ZNF292: variants seen among roughly 807,000 people sequenced by gnomAD.
ZNF292 encodes 16 zinc-finger domain protein.
In ZNF292, 26 loss-of-function variants were observed where a neutral mutation model predicts 217.9. The observed-to-expected ratio is 0.12, with a 90% CI of 0.09 to 0.17. The LOEUF (loss-of-function observed/expected upper bound fraction) is 0.17. ZNF292 is among the 10% of genes least tolerant of loss of function. The probability of loss-of-function intolerance (pLI) is 1.00; values close to 1 mark genes in which losing one functional copy is unlikely to be tolerated. For synonymous variants in ZNF292, 1,257 were observed against 1,124.1 expected, an observed-to-expected ratio of 1.12 and a Z score of -2.37; for missense variants, 2,904 against 3,175.2, an observed-to-expected ratio of 0.91 and a Z score of 2.05.
chr6:87,187,674 C>G (rs1771706154), intron 1 of ZNF292, among the ~76,000 whole-genome samples: 1 of 135,934 alleles, frequency 7.4e-6, no homozygotes, highest in South Asian at 2.3e-4. Context: ...AAGATTGCAC[C>G]ATTGCACTCT....
Position 87,259,255 on chromosome 6 carries a change from T to A in ZNF292, c.5626T>A (p.Ser1876Thr), listed in dbSNP as rs370356863. 1 of 1,613,572 alleles carries A rather than the reference T, an allele frequency of 6.2e-7. No homozygotes were observed. The highest frequency in any genetic ancestry group is 1.3e-5 in the African/African-American group (1 of 74,902). Residue 1876 changes from serine (S) to threonine (T), a missense_variant, in exon 8 of 8, where the codon TCA becomes ACA. Physicochemically the swap from Ser to Thr is moderately conservative, Grantham distance 58. Transcript: ENST00000369577. ...GACACTGACTCCCACGCCTGTTAAATCAACTGCAGATATCACAGTTATTCA... is the reference window on the plus strand; with the variant it reads ...GACACTGACTCCCACGCCTGTTAAAACAACTGCAGATATCACAGTTATTCA... ...SVTLTPTPVK[S>T]TADITVIQPV...
chr6:87,184,379 A>G (rs944457786), intron 1 of ZNF292, among the ~76,000 whole-genome samples: 2 of 145,978 alleles, frequency 1.4e-5, no homozygotes, highest in Non-Finnish European at 3.0e-5. Flanking sequence ...GCAATTAAGT[A>G]TTTTTCTGCT....
chr6:87,203,606 G>A (rs1476711036), intron 1 of ZNF292, among the ~76,000 whole-genome samples: 1 of 151,356 alleles, frequency 6.6e-6, no homozygotes, highest in Non-Finnish European at 1.5e-5. Context: ...AAGGGGGGGT[G>A]GGGTGCTGCA....
rs114864672 is a variant in ZNF292 at position 87,242,228 on chromosome 6, G to A, written c.742-1247G>A. Among the ~76,000 whole-genome samples, 1,047 of 152,192 alleles carry A rather than the reference G, an allele frequency of 6.9e-3. 11 individuals are homozygous for A. The highest frequency in any genetic ancestry group is 0.024 in the African/African-American group (1,008 of 41,512). On this transcript the variant is annotated intron_variant, in intron 5 of 7. Coordinates refer to ENST00000369577, the MANE Select transcript of ZNF292 (RefSeq NM_015021.3). ...AAAGAGGCAGAGAGAGGAGTAGTGG[G>A]AACAACACTGTACCAGGTAGCATAA...
intron 1 of ZNF292, among the ~76,000 whole-genome samples, chr6:87,210,087 C>T (rs936869893): frequency 1.3e-5 from 2 of 152,056 alleles, no homozygotes; most frequent in African/African-American, 4.8e-5. Context: ...CGTGGTAATC[C>T]TTAGGGCAAC....
chr6:87,229,942 A>G (rs1293318499), intron 4 of ZNF292, among the ~76,000 whole-genome samples: 2 of 141,698 alleles, frequency 1.4e-5, no homozygotes, highest in East Asian at 4.9e-4. Context: ...GCTACGAAGT[A>G]GTCTGATTAG....
At chr6:87,237,210 AT>A (rs1773945578) in intron 5 of ZNF292, among the ~76,000 whole-genome samples, 1 of 152,186 alleles carries the variant, frequency 6.6e-6, no homozygotes, top group African/African-American at 2.4e-5. Context: ...AAGCAATATT[AT>A]TTTGATAAGC....
chr6:87,164,735 G>A (rs1770858589), intron 1 of ZNF292, among the ~76,000 whole-genome samples: 1 of 150,894 alleles, frequency 6.6e-6, no homozygotes, highest in African/African-American at 2.4e-5. Flanking sequence ...CCATCACTGA[G>A]ACTTTAGAAG....
intron 1 of ZNF292, among the ~76,000 whole-genome samples, chr6:87,164,952 A>T (rs1480295062): frequency 7.2e-4 from 104 of 145,396 alleles, no homozygotes; most frequent in African/African-American, 2.4e-3. Flanking sequence ...TTGGTAAGAG[A>T]TGGGGTTTCA....
chr6:87,249,147 G>A (rs1774761844), intron 7 of ZNF292, among the ~76,000 whole-genome samples: 1 of 152,096 alleles, frequency 6.6e-6, no homozygotes, highest in Admixed American at 6.5e-5. Flanking sequence ...ATTGGTTTTT[G>A]AGAGAGTCTT....
At position 87,257,483 on chromosome 6, in the gene ZNF292, C is replaced by T. The variant is rs1306274354; in HGVS notation, c.3854C>T (p.Ser1285Phe). Residue 1285 changes from serine to phenylalanine, a missense_variant, in exon 8 of 8, where the codon TCT becomes TTT. Physicochemically the swap from Ser to Phe is radical, Grantham distance 155 (BLOSUM62 -2). Transcript: ENST00000369577. ...TCACCAGCAGATAGTGGGACTAATT[C>T]TGTTTTTTCCCAACTGGAAAATAAT... is the stretch of plus-strand genomic sequence containing the variant. ...FPSPADSGTN[S>F]VFSQLENNTN... 9 of 1,612,332 alleles carry T rather than the reference C, an allele frequency of 5.6e-6. No homozygotes were observed. Among genetic ancestry groups the T allele is most frequent in the African/African-American group, 2.7e-5 (2 of 74,892 alleles).
intron 5 of ZNF292, among the ~76,000 whole-genome samples, chr6:87,239,876 C>T (rs1176292485): frequency 2.0e-5 from 3 of 151,126 alleles, no homozygotes; most frequent in African/African-American, 7.3e-5. Flanking sequence ...GACTGGGCAG[C>T]CGGGCAGAGA....
chr6:87,191,286 TAAA>T (rs11311792), intron 1 of ZNF292, among the ~76,000 whole-genome samples: 1 of 150,732 alleles, frequency 6.6e-6, no homozygotes, highest in Non-Finnish European at 1.5e-5. Context: ...CTGATGAGCT[TAAA>T]AAAAAAAATC....
At position 87,257,329 on chromosome 6, in the gene ZNF292, T is replaced by G; in HGVS notation, c.3700T>G (p.Leu1234Val). 1 of 1,613,660 alleles carries G rather than the reference T, an allele frequency of 6.2e-7. No homozygotes were observed. Reference sequence around the variant, plus strand: ...TATGTTATGTTCCCAAATGGAAAATTTACCTAGTACTGCCTTGCCAGCACA... The same window carrying G: ...TATGTTATGTTCCCAAATGGAAAATGTACCTAGTACTGCCTTGCCAGCACA... ...GGMLCSQMEN[L>V]PSTALPAQME... Residue 1234 changes from leucine to valine, a missense_variant, in exon 8 of 8, where the codon TTA (leucine) becomes GTA (valine). Leu to Val is a conservative substitution (Grantham distance 32, BLOSUM62 1). Around this residue, in one of 15 missense-constraint regions of ZNF292, gnomAD observed 687 missense variants for 623.0 expected, o/e 1.10. Coordinates refer to ENST00000369577, the MANE Select transcript of ZNF292 (RefSeq NM_015021.3).
intron 5 of ZNF292, among the ~76,000 whole-genome samples, chr6:87,242,563 C>T (rs1314565470): frequency 1.3e-5 from 2 of 152,186 alleles, no homozygotes; most frequent in Non-Finnish European, 2.9e-5. Context: ...GGCATAGTCT[C>T]TGTGGTACGT....
intron 1 of ZNF292, among the ~76,000 whole-genome samples, chr6:87,203,468 A>T (rs563507086): frequency 6.6e-6 from 1 of 151,910 alleles, no homozygotes; most frequent in Non-Finnish European, 1.5e-5. Flanking sequence ...AATTATCCTC[A>T]CGTTTCTAGG....
Position 87,245,513 on chromosome 6 carries a change from C to T in ZNF292, c.889C>T (p.Leu297Phe). 4.0e-6 allele frequency: 6 copies of T among 1,511,424 alleles called. No individual in the cohort carries two copies. Among genetic ancestry groups the T allele is most frequent in the Admixed American group, 2.7e-5 (1 of 36,992 alleles). The allele number at this position is 1,511,424 out of a possible 1,614,324, so 93.6% of individuals were successfully genotyped here. The change falls in exon 7 of 8, where the codon CTC (leucine) becomes TTC (phenylalanine). Residue 297 changes from leucine (L) to phenylalanine (F), a missense_variant. Physicochemically the swap from Leu to Phe is conservative, Grantham distance 22. This residue lies in a region of ZNF292 where 313 missense variants were observed against 451.0 expected (regional missense o/e 0.69). Coordinates refer to ENST00000369577, the MANE Select transcript of ZNF292 (RefSeq NM_015021.3). Reference protein sequence around the residue: ...GDMYCAWELTLFWSKLQQRVE... With the variant: ...GDMYCAWELTFFWSKLQQRVE... ...CTTTTTTTTTTTAAGGGAACTTACT[C>T]TCTTTTGGAGTAAATTACAACAAAG...
chr6:87,247,923 G>C (rs747636286), intron 7 of ZNF292, among the ~76,000 whole-genome samples: 1 of 152,188 alleles, frequency 6.6e-6, no homozygotes, highest in Non-Finnish European at 1.5e-5. Context: ...AATTTTAGCA[G>C]ATGGATTATA....
intron 1 of ZNF292, among the ~76,000 whole-genome samples, chr6:87,180,525 ATGCCTGCC>A (rs1771441913): frequency 6.6e-6 from 1 of 152,216 alleles, no homozygotes; most frequent in Non-Finnish European, 1.5e-5. Context: ...CCCAGACCTC[ATGCCTGCC>A]TTCTGGAGAG....
Sources: gnomAD v4.1 joint callset for allele counts (sites outside exome capture counted in the v4.1 genomes callset) on GRCh38, gnomAD v4.1.1 for gene constraint, gnomAD v4.1.1 regional missense constraint, MANE v1.5 for transcripts, NCBI Gene and HGNC (gene_info 2026-07-23, HGNC 2026-07-21) for gene names.